The following CORO1B variants were observed in gnomAD, a reference collection of about 807,000 sequenced individuals.
CORO1B encodes the protein coronin 1B, also known as coronin-1B.
Under a neutral mutation model 51.1 loss-of-function variants are expected in CORO1B, and 30 were observed. The ratio of observed to expected loss-of-function variants is 0.59; its 90% CI spans 0.44 to 0.80. CORO1B has a LOEUF of 0.80. CORO1B is among the 30% of genes least tolerant of loss of function. The probability of loss-of-function intolerance (pLI) is 0.00; values close to 1 mark genes in which losing one functional copy is unlikely to be tolerated. For missense variants in CORO1B, 648 were observed against 700.4 expected (o/e 0.93, Z 0.84); for synonymous variants, 310 against 289.7 (o/e 1.07, Z -0.71).
Position 67,436,070 on chromosome 11 carries a change from G to C in CORO1B, c.*2306C>G, listed in dbSNP as rs1007583552. 5.0e-6 allele frequency: 8 copies of C among 1,612,606 alleles called. No individual in the cohort carries two copies. The highest frequency in any genetic ancestry group is 1.3e-5 in the African/African-American group (1 of 74,912). On this transcript the variant is annotated 3_prime_UTR_variant, in exon 11 of 11. Coordinates refer to ENST00000341356, the MANE Select transcript of CORO1B (RefSeq NM_020441.3). ...GTCATTGTCTGTGGACCCCAGCTCA[G>C]CTCGGGCCTGCAGCCAGCGACCTGG...
chr11:67,436,512 G>A lies in CORO1B; in HGVS notation c.*1864C>T. On this transcript the variant is annotated 3_prime_UTR_variant, in exon 11 of 11. Transcript: ENST00000341356. ...GGCCTTATTTGGTCAACCAGGCTCT[G>A]GCCCTGTGAGATCAGCCCCCATCCC... 1.2e-6 allele frequency: 1 copy of A among 802,274 alleles called. No homozygotes were observed. Among genetic ancestry groups the A allele is most frequent in the South Asian group, 2.3e-5 (1 of 42,590 alleles). The allele number at this position is 802,274 out of a possible 1,614,324, so 49.7% of individuals were successfully genotyped here.
At position 67,438,527 on chromosome 11, in the gene CORO1B, G is replaced by A. The variant is rs377161519; in HGVS notation, c.1345-26C>T. ...CTGTGGGGACATGAAGCAGGGGTAGGGGGCGGTGGTCAGGGGCTGCTAAGC... is the reference window on the plus strand; with the variant it reads ...CTGTGGGGACATGAAGCAGGGGTAGAGGGCGGTGGTCAGGGGCTGCTAAGC... On this transcript the variant is annotated intron_variant, in intron 10 of 10. Transcript: ENST00000341356. The A allele has an allele frequency of 3.9e-4, 622 of 1,592,800 alleles. 1 individual carries two copies. Among genetic ancestry groups the A allele is most frequent in the Non-Finnish European group, 5.0e-4 (580 of 1,166,260 alleles).
At position 67,436,432 on chromosome 11, in the gene CORO1B, C is replaced by T; in HGVS notation, c.*1944G>A. 2 of 1,400,576 alleles carry T rather than the reference C, an allele frequency of 1.4e-6. No individual in the cohort carries two copies. The highest frequency in any genetic ancestry group is 3.1e-5 in the Admixed American group (1 of 32,088). The allele number at this position is 1,400,576 out of a possible 1,614,324, so 86.8% of individuals were successfully genotyped here. On this transcript the variant is annotated 3_prime_UTR_variant, in exon 11 of 11. Transcript: ENST00000341356. Reference sequence around the variant, plus strand: ...GGGGCAGGCTGGGTGACCAAGACCACTTTCGTTTTTTTCTCTTTGGGATCC... The same window carrying T: ...GGGGCAGGCTGGGTGACCAAGACCATTTTCGTTTTTTTCTCTTTGGGATCC...
Position 67,439,891 on chromosome 11 carries a change from C to CA in CORO1B, c.1008-49dup, listed in dbSNP as rs1193709931. The CA allele has an allele frequency of 3.3e-6, 5 of 1,526,836 alleles. No individual in the cohort carries two copies. In the East Asian group the frequency reaches 1.2e-4, roughly 37 times the overall value. The allele number at this position is 1,526,836 out of a possible 1,614,324, so 94.6% of individuals were successfully genotyped here. On this transcript the variant is annotated intron_variant, in intron 8 of 10. Transcript: ENST00000341356. ...CGGGTGGAACCCTCACCGCCCCCCC[C>CA]ACCCACCGCCAGCTCTCCTGGCATC...
intron 2 of CORO1B, 41 bp from the exon 3 acceptor site, chr11:67,442,129 C>A: frequency 6.3e-7 from 1 of 1,596,332 alleles, no homozygotes; most frequent in South Asian, 1.1e-5. Context: ...CCATCCCTCC[C>A]GAAGCCTTGG....
At chr11:67,442,719 AC>A in intron 1 of CORO1B, 89 bp from the exon 2 acceptor site, 1 of 1,366,528 alleles carries the variant, frequency 7.3e-7, no homozygotes. Context: ...GGAGGATGCA[AC>A]CGGGGGCCAG....
In CORO1B at chr11:67,442,105, G is replaced by A. The variant is rs778542733; in HGVS notation, c.202-17C>T. On this transcript the variant is annotated splice_polypyrimidine_tract_variant and intron_variant, in intron 2 of 10. Coordinates refer to ENST00000341356, the MANE Select transcript of CORO1B (RefSeq NM_020441.3). The stretch of plus-strand genomic sequence containing the variant: ...GCGGCCCGTCTGTGGGCACGAGGGG[G>A]CAGTCAGTGGGCTCCATCCCTCCCG... 3.7e-6 allele frequency: 6 copies of A among 1,605,696 alleles called. No individual in the cohort carries two copies. Among genetic ancestry groups the A allele is most frequent in the African/African-American group, 2.7e-5 (2 of 74,962 alleles).
upstream of CORO1B, chr11:67,443,631 AGCCCCTTTCCTAGGACCCGGTGGAGC>A: frequency 1.3e-6 from 1 of 761,950 alleles, no homozygotes; most frequent in Non-Finnish European, 1.6e-6. Flanking sequence ...GGCCAGAGAG[AGCCCCTTTCCTAGGACCCGGTGGAGC>A]GCCCCCACCG....
At chr11:67,443,526 G>A (rs1864438244), upstream of CORO1B, 13 of 847,772 alleles carry the variant, frequency 1.5e-5, no homozygotes, top group Non-Finnish European at 1.8e-5. Flanking sequence ...GGGCGGGGCA[G>A]GGGCTCGCGG....
rs1351813076 is a variant in CORO1B, at chr11:67,441,115, G to C, written c.756+10C>G. On this transcript the variant is annotated intron_variant, in intron 6 of 10. Transcript: ENST00000341356. ...AGTCTCAAGTTTGCCCCCTCAGGCTGGCCACTCACTGGGTCCCAGAGCGCC... is the reference window on the plus strand; with the variant it reads ...AGTCTCAAGTTTGCCCCCTCAGGCTCGCCACTCACTGGGTCCCAGAGCGCC... The C allele has an allele frequency of 1.2e-6, 2 of 1,612,808 alleles. No individual in the cohort carries two copies. Among genetic ancestry groups the C allele is most frequent in the Non-Finnish European group, 1.7e-6 (2 of 1,179,984 alleles).
At chr11:67,441,686 G>A (rs1356388290) in intron 4 of CORO1B, 47 bp downstream of exon 4, 7 of 1,329,982 alleles carry the variant, frequency 5.3e-6, no homozygotes, top group Non-Finnish European at 7.1e-6. Context: ...GGGATGTATG[G>A]AGGGGTCCGT....
chr11:67,440,956 G>A lies in CORO1B; in HGVS notation c.756+169C>T, dbSNP rs1334258944. On this transcript the variant is annotated intron_variant, in intron 6 of 10. Transcript: ENST00000341356. The stretch of plus-strand genomic sequence containing the variant: ...GCCATGGGGGAGTGGTGGGGCAGTC[G>A]GGCGAGCAGGGGGCAGGAGAGGAAA... 1.8e-5 allele frequency: 16 copies of A among 912,258 alleles called. 1 individual carries two copies. The highest frequency in any genetic ancestry group is 9.2e-5 in the South Asian group (6 of 65,118). The allele number at this position is 912,258 out of a possible 1,614,324, so 56.5% of individuals were successfully genotyped here.
At chr11:67,439,738 C>T (rs144273420) in intron 9 of CORO1B, 48 bp downstream of exon 9, 267 of 1,545,814 alleles carry the variant, frequency 1.7e-4, no homozygotes, top group African/African-American at 1.2e-3. Flanking sequence ...CTGCATGGCC[C>T]GCTTGCTGGA....
chr11:67,442,254 C>T (rs954351882), intron 2 of CORO1B, among the ~76,000 whole-genome samples, 166 bp from the exon 3 acceptor site: 3 of 152,254 alleles, frequency 2.0e-5, no homozygotes, highest in Non-Finnish European at 4.4e-5. Flanking sequence ...CTAACCCTGC[C>T]TCTATGGCAA....
chr11:67,442,388 C>T (rs765895082), intron 2 of CORO1B, 40 bp downstream of exon 2: 4 of 1,597,716 alleles, frequency 2.5e-6, no homozygotes, highest in Admixed American at 3.3e-5. Context: ...GTAGGGGTGG[C>T]CGAGGTGCCT....
chr11:67,435,785 T>C lies in CORO1B; in HGVS notation c.*2591A>G, dbSNP rs151332856. On this transcript the variant is annotated 3_prime_UTR_variant, in exon 11 of 11. Transcript: ENST00000341356. ...GCCCCCAGCTGCCCTGGCGCTGTCA[T>C]CCCAGGCTGCGCTGCCAGCAAAGGC... 1.0e-4 allele frequency: 159 copies of C among 1,583,768 alleles called. No individual in the cohort carries two copies. Among genetic ancestry groups the C allele is most frequent in the Non-Finnish European group, 1.3e-4 (152 of 1,165,260 alleles).
At chr11:67,439,071 A>C in intron 9 of CORO1B, 122 bp from the exon 10 acceptor site, 7 of 1,165,692 alleles carry the variant, frequency 6.0e-6, no homozygotes, top group South Asian at 1.6e-5. Context: ...GGAAAGCTCA[A>C]ATCTGGCCTT....
In CORO1B at chr11:67,442,569, G is replaced by C; in HGVS notation, c.60C>G (p.Val20=). The C allele has an allele frequency of 6.2e-7, 1 of 1,613,846 alleles. No homozygotes were observed. The highest frequency in any genetic ancestry group is 8.5e-7 in the Non-Finnish European group (1 of 1,180,020). The change falls in exon 2 of 11, where the codon GTC becomes GTG. Residue 20 remains valine (V), a synonymous_variant. Coordinates refer to ENST00000341356, the MANE Select transcript of CORO1B (RefSeq NM_020441.3). ...TGTCCTCATAGCACTGGTCGTTCTT[G>C]ACCGGCTGCCCGAACACATGCCGGA... ...SKFRHVFGQP[V]KNDQCYEDIR...
Position 67,441,510 on chromosome 11 carries a change from G to T in CORO1B, c.459C>A (p.Cys153Ter). ...CATTCCAGATGAGTACCACGTTGTC[G>T]CAGCCTGGCAGGTGAGGGTTGTCAG... Reference protein sequence around the residue: ...TARNVLLSAGCDNVVLIWNVG... With the variant: ...TARNVLLSAG Residue 153 changes from cysteine to a stop codon, truncating the protein, a stop_gained, in exon 5 of 11, where the codon TGC becomes TGA. Transcript: ENST00000341356. LOFTEE classifies it high-confidence loss of function. 1 of 1,610,638 alleles carries T rather than the reference G, an allele frequency of 6.2e-7. No homozygotes were observed. Among genetic ancestry groups the T allele is most frequent in the Non-Finnish European group, 8.5e-7 (1 of 1,178,052 alleles).
Sources: allele counts gnomAD v4.1 joint callset (sites outside exome capture counted in the v4.1 genomes callset), GRCh38; gene constraint gnomAD v4.1.1; transcripts MANE v1.5; gene names NCBI Gene and HGNC (gene_info 2026-07-23, HGNC 2026-07-21).